ANKRD26: variants seen among roughly 807,000 people sequenced by gnomAD.
The protein encoded by ANKRD26 is ankyrin repeat domain 26, also known as ankyrin repeat domain-containing protein 26.
In ANKRD26, 141 loss-of-function variants were observed where a neutral mutation model predicts 208.7. The ratio of observed to expected loss-of-function variants is 0.68; its 90% CI spans 0.59 to 0.78. The LOEUF (loss-of-function observed/expected upper bound fraction) is 0.78. ANKRD26 is among the 30% of genes least tolerant of loss of function. The pLI, the probability that ANKRD26 is intolerant of heterozygous loss-of-function variation, is 0.00. For synonymous variants in ANKRD26, 636 were observed against 660.4 expected, an observed-to-expected ratio of 0.96 and a Z score of 0.57; for missense variants, 1,889 against 1,938.7, an observed-to-expected ratio of 0.97 and a Z score of 0.48.
At chr10:26,995,617 C>A (rs961492311) in intron 4 of ANKRD26, among the ~76,000 whole-genome samples, 2 of 152,300 alleles carry the variant, frequency 1.3e-5, no homozygotes, top group East Asian at 3.9e-4. Flanking sequence ...ACCCTTTAAA[C>A]GTTGATTTTT....
chr10:26,985,720 C>A (rs111765536), intron 3 of ANKRD26, among the ~76,000 whole-genome samples: 1 of 152,102 alleles, frequency 6.6e-6, no homozygotes, highest in Non-Finnish European at 1.5e-5. Context: ...TTATGGGTCA[C>A]CCCAAGAAGG....
the ANKRD26 span, among the ~76,000 whole-genome samples, chr10:26,952,480 G>T: frequency 7.6e-6 from 1 of 131,478 alleles, no homozygotes; most frequent in East Asian, 2.1e-4. Context: ...CCTTGATGTT[G>T]AATTTCATCA....
chr10:27,039,351 G>C (rs2054150967), intron 21 of ANKRD26, among the ~76,000 whole-genome samples: 1 of 151,962 alleles, frequency 6.6e-6, no homozygotes, highest in South Asian at 2.1e-4. Context: ...CTTCTTGTGA[G>C]GCTGAGGTGG....
intron 9 of ANKRD26, among the ~76,000 whole-genome samples, chr10:27,067,954 G>A (rs1372859513): frequency 6.6e-6 from 1 of 152,162 alleles, no homozygotes; most frequent in Admixed American, 6.5e-5. Flanking sequence ...ATAAAACCAA[G>A]TAAGAACAGA....
chr10:27,082,543 A>G (rs1461390646), intron 6 of ANKRD26, among the ~76,000 whole-genome samples: 2 of 152,192 alleles, frequency 1.3e-5, no homozygotes, highest in Admixed American at 1.3e-4. Context: ...GCTGAGGGGC[A>G]AGAGAAGGGA....
intron 5 of ANKRD26, among the ~76,000 whole-genome samples, chr10:26,994,395 T>C (rs1215117473): frequency 6.6e-6 from 1 of 152,214 alleles, no homozygotes; most frequent in Non-Finnish European, 1.5e-5. Flanking sequence ...ATGGGTCTGA[T>C]GATGAACATA....
intron 11 of ANKRD26, among the ~76,000 whole-genome samples, chr10:27,065,968 C>T (rs908100660): frequency 2.5e-4 from 36 of 145,786 alleles, no homozygotes; most frequent in African/African-American, 8.8e-4. Flanking sequence ...CGGGTTCAAG[C>T]GATTCCCCTG....
chr10:27,092,519 G>A lies in ANKRD26; in HGVS notation c.532-7C>T. 1 of 1,603,156 alleles carries A rather than the reference G, an allele frequency of 6.2e-7. No individual in the cohort carries two copies. Among genetic ancestry groups the A allele is most frequent in the Non-Finnish European group, 8.5e-7 (1 of 1,171,056 alleles). On this transcript the variant is annotated splice_region_variant and splice_polypyrimidine_tract_variant and intron_variant, in intron 3 of 33. Transcript: ENST00000376087. ...AAAGTGGTGTGAGGTCATCCTGTAA[G>A]ACAGCAAAAACAAGTTAAAATGCAT...
chr10:27,084,353 T>G (rs751487068), intron 5 of ANKRD26, among the ~76,000 whole-genome samples: 4 of 152,166 alleles, frequency 2.6e-5, no homozygotes, highest in Non-Finnish European at 5.9e-5. Context: ...AATACTTTCA[T>G]TGAAAAAACA....
intron 4 of ANKRD26, among the ~76,000 whole-genome samples, chr10:26,997,468 G>A (rs1017936520): frequency 7.9e-5 from 12 of 152,154 alleles, no homozygotes; most frequent in African/African-American, 2.2e-4. Context: ...GTATCCTCCT[G>A]CTGTGGCTTC....
At chr10:27,082,870 C>T (rs1290786083) in intron 5 of ANKRD26, 37 bp from the exon 6 acceptor site, 1 of 1,563,336 alleles carries the variant, frequency 6.4e-7, no homozygotes. Context: ...TTTAAATCAA[C>T]AATAGAAAAA....
chr10:27,010,848 A>G (rs1297615729), intron 32 of ANKRD26, among the ~76,000 whole-genome samples: 2 of 152,182 alleles, frequency 1.3e-5, no homozygotes, highest in South Asian at 4.1e-4. Context: ...TGTACCCAGT[A>G]GGAAAATTTC....
At chr10:26,971,116 T>C (rs963511999), downstream of ANKRD26, among the ~76,000 whole-genome samples, 2 of 152,368 alleles carry the variant, frequency 1.3e-5, no homozygotes, top group South Asian at 4.1e-4. Context: ...CTGGGTGCAG[T>C]GGCTCACACC....
downstream of ANKRD26, among the ~76,000 whole-genome samples, chr10:27,000,370 A>T (rs549981334): frequency 5.3e-5 from 8 of 152,374 alleles, no homozygotes; most frequent in Admixed American, 1.3e-4. Context: ...CAATTTCAAC[A>T]AAATGTGGAT....
chr10:27,067,303 C>CAA lies in ANKRD26; in HGVS notation c.1078-19_1078-18dup, dbSNP rs1160676115. The CAA allele has an allele frequency of 1.2e-6, 2 of 1,609,702 alleles. No individual in the cohort carries two copies. Among genetic ancestry groups the CAA allele is most frequent in the Middle Eastern group, 1.7e-4 (1 of 6,058 alleles). ...TGGTTCTTCCTATTAAAAACAAAAACAAACAAACAAAAAACTTCAGAAAAC... is the reference window on the plus strand; with the variant it reads ...TGGTTCTTCCTATTAAAAACAAAAACAAAAACAAACAAAAAACTTCAGAAAAC... On this transcript the variant is annotated splice_polypyrimidine_tract_variant and intron_variant, in intron 9 of 33. Transcript: ENST00000376087.
the ANKRD26 span, among the ~76,000 whole-genome samples, chr10:26,950,041 C>G: frequency 6.6e-6 from 1 of 152,034 alleles, no homozygotes; most frequent in Admixed American, 6.5e-5. Flanking sequence ...ATTTATTGAA[C>G]CTGTGATACA....
chr10:26,979,615 T>C (rs2052278155), intron 5 of ANKRD26, among the ~76,000 whole-genome samples: 3 of 152,222 alleles, frequency 2.0e-5, no homozygotes, highest in African/African-American at 7.2e-5. Flanking sequence ...ATATAGTTGC[T>C]CCTATGTCAA....
At chr10:26,991,609 A>G (rs1032910575), downstream of ANKRD26, among the ~76,000 whole-genome samples, 38 of 152,210 alleles carry the variant, frequency 2.5e-4, no homozygotes, top group Non-Finnish European at 3.8e-4. Flanking sequence ...TGCCCAGCTA[A>G]TTTTGTATTT....
At chr10:27,050,219 CAAAAAAAAAAA>C (rs67384671) in intron 16 of ANKRD26, among the ~76,000 whole-genome samples, 16 of 33,034 alleles carry the variant, frequency 4.8e-4, no homozygotes, top group African/African-American at 1.1e-3. Flanking sequence ...GAATCTGTCT[CAAAAAAAAAAA>C]AAAAAAAAAA....
Sources: allele counts gnomAD v4.1 joint callset (sites outside exome capture counted in the v4.1 genomes callset), GRCh38; gene constraint gnomAD v4.1.1; transcripts MANE v1.5; gene names NCBI Gene and HGNC (gene_info 2026-07-23, HGNC 2026-07-21).